Variants in SPMIP3 observed in about 807,000 individuals in gnomAD.
The protein encoded by SPMIP3 is protein SPMIP3.
At chr1:244,384,666 G>A in the SPMIP3 span, among the ~76,000 whole-genome samples, 24 of 152,234 alleles carry the variant, frequency 1.6e-4, no homozygotes, top group Admixed American at 7.2e-4. Flanking sequence ...ATTCCATAGC[G>A]CAGCCAAGTT....
chr1:244,377,375 C>A, the SPMIP3 span, among the ~76,000 whole-genome samples: 1 of 152,204 alleles, frequency 6.6e-6, no homozygotes, highest in African/African-American at 2.4e-5. Flanking sequence ...CCTGCCTCGG[C>A]CTCCCAAAGT....
chr1:244,357,707 C>CAAAAA, the SPMIP3 span, among the ~76,000 whole-genome samples: 102 of 94,848 alleles, frequency 1.1e-3, 1 homozygote, highest in Middle Eastern at 8.9e-3. Context: ...GACTCCATCT[C>CAAAAA]AAAAAAAAAA....
the SPMIP3 span, among the ~76,000 whole-genome samples, chr1:244,385,640 T>C: frequency 1.2e-4 from 19 of 152,188 alleles, no homozygotes; most frequent in Admixed American, 1.2e-3. Context: ...AGTATCTACC[T>C]AATAGAATTG....
the SPMIP3 span, among the ~76,000 whole-genome samples, chr1:244,383,327 C>T: frequency 2.6e-5 from 4 of 152,060 alleles, no homozygotes; most frequent in Non-Finnish European, 4.4e-5. Context: ...GCCTGGGCGA[C>T]GCAGTGAGAA....
At chr1:244,369,256 G>C in the SPMIP3 span, among the ~76,000 whole-genome samples, 2 of 152,344 alleles carry the variant, frequency 1.3e-5, no homozygotes, top group Admixed American at 1.3e-4. Flanking sequence ...GTGTGGCATT[G>C]GTTTGTGGAA....
At chr1:244,374,899 G>A in the SPMIP3 span, among the ~76,000 whole-genome samples, 33 of 152,082 alleles carry the variant, frequency 2.2e-4, no homozygotes, top group Admixed American at 9.2e-4. Context: ...TGCCCAGCCC[G>A]ATTCCCACAT....
the SPMIP3 span, chr1:244,389,320 T>C: frequency 3.2e-6 from 1 of 308,658 alleles, no homozygotes; most frequent in Admixed American, 4.7e-5. Flanking sequence ...CTATCTTACA[T>C]TTAGGCCAAT....
At chr1:244,377,133 T>A in the SPMIP3 span, among the ~76,000 whole-genome samples, 1 of 151,100 alleles carries the variant, frequency 6.6e-6, no homozygotes, top group African/African-American at 2.4e-5. Flanking sequence ...ATTTTTATTT[T>A]TTTTTTTTGA....
the SPMIP3 span, among the ~76,000 whole-genome samples, chr1:244,380,123 C>CTTTTTTTTTTTTTTTTTTTTTTTTTTTT: frequency 8.7e-6 from 1 of 115,530 alleles, no homozygotes; most frequent in African/African-American, 3.4e-5. Flanking sequence ...CAGAGTTTTT[C>CTTTTTTTTTTTTTTTTTTTTTTTTTTTT]TTTTTTTTTT....
chr1:244,378,101 C>G, the SPMIP3 span, among the ~76,000 whole-genome samples: 2 of 152,196 alleles, frequency 1.3e-5, no homozygotes, highest in Non-Finnish European at 2.9e-5. Flanking sequence ...GCCACCACAC[C>G]AGGCCTGCAC....
the SPMIP3 span, among the ~76,000 whole-genome samples, chr1:244,362,245 C>G: frequency 1.3e-3 from 205 of 152,280 alleles, 2 homozygotes; most frequent in Non-Finnish European, 2.3e-3. Context: ...TTTTTCCAGT[C>G]CTTTCTGTCT....
chr1:244,352,661 G>A, the SPMIP3 span: 1 of 152,208 alleles, frequency 6.6e-6, no homozygotes, highest in African/African-American at 2.4e-5. Context: ...AGCAGCAGGA[G>A]GCAGCTGTAC....
chr1:244,362,930 G>A, the SPMIP3 span, among the ~76,000 whole-genome samples: 5 of 141,164 alleles, frequency 3.5e-5, no homozygotes, highest in South Asian at 2.3e-4. Context: ...TGCAACCTCC[G>A]CTTCCTGGGC....
the SPMIP3 span, among the ~76,000 whole-genome samples, chr1:244,387,270 C>T: frequency 2.0e-5 from 3 of 151,638 alleles, no homozygotes; most frequent in Non-Finnish European, 4.4e-5. Flanking sequence ...TGCGCTCCAG[C>T]CTGGCCGACA....
At chr1:244,372,657 A>C in the SPMIP3 span, among the ~76,000 whole-genome samples, 299 of 152,120 alleles carry the variant, frequency 2.0e-3, no homozygotes, top group Non-Finnish European at 2.9e-3. Context: ...GTTAGCCAGG[A>C]TGGTCTCGAA....
At chr1:244,365,535 T>C in the SPMIP3 span, among the ~76,000 whole-genome samples, 6 of 152,312 alleles carry the variant, frequency 3.9e-5, no homozygotes, top group African/African-American at 1.4e-4. Context: ...TGTGAGTCCA[T>C]TAAACCTCTT....
the SPMIP3 span, among the ~76,000 whole-genome samples, chr1:244,357,490 C>T: frequency 6.6e-6 from 1 of 151,694 alleles, no homozygotes; most frequent in African/African-American, 2.4e-5. Flanking sequence ...GTGGGTGGAT[C>T]ACGAGGTCAG....
At chr1:244,376,897 G>A in the SPMIP3 span, among the ~76,000 whole-genome samples, 1 of 151,652 alleles carries the variant, frequency 6.6e-6, no homozygotes, top group East Asian at 1.9e-4. Context: ...TGCAACCTCT[G>A]CCTTTGGGTT....
chr1:244,379,227 C>CTT, the SPMIP3 span, among the ~76,000 whole-genome samples: 1,280 of 140,052 alleles, frequency 9.1e-3, 28 homozygotes, highest in African/African-American at 0.032. Flanking sequence ...TGCGCCCGGC[C>CTT]TTTTTTTTTT....
Sources: allele counts gnomAD v4.1 joint callset (sites outside exome capture counted in the v4.1 genomes callset), GRCh38; gene constraint gnomAD v4.1.1; transcripts MANE v1.5; gene names NCBI Gene and HGNC (gene_info 2026-07-23, HGNC 2026-07-21).